The following EPM2A variants were observed in gnomAD, a reference collection of about 807,000 sequenced individuals.
EPM2A encodes EPM2A glucan phosphatase, laforin.
EPM2A carries 21 observed loss-of-function variants against 26.5 expected under a neutral mutation model. The ratio of observed to expected loss-of-function variants is 0.79; its 90% CI spans 0.56 to 1.14. EPM2A has a LOEUF of 1.14. EPM2A is among the 50% of genes most tolerant of loss of function. The probability of loss-of-function intolerance (pLI) is 0.00; values close to 1 mark genes in which losing one functional copy is unlikely to be tolerated. For missense variants in EPM2A, 458 were observed against 440.8 expected, an observed-to-expected ratio of 1.04 and a Z score of -0.35; for synonymous variants, 217 against 177.6, an observed-to-expected ratio of 1.22 and a Z score of -1.76.
chr6:145,691,823 G>C (rs935513862), intron 1 of EPM2A, among the ~76,000 whole-genome samples: 4 of 151,828 alleles, frequency 2.6e-5, no homozygotes, highest in Non-Finnish European at 4.4e-5. Flanking sequence ...CACACAATCA[G>C]AGAAAAAGGA....
At chr6:145,575,475 TCTCA>T (rs1313087648) in intron 2 of EPM2A, among the ~76,000 whole-genome samples, 1 of 152,198 alleles carries the variant, frequency 6.6e-6, no homozygotes, top group African/African-American at 2.4e-5. Context: ...GAGATAAGAC[TCTCA>T]CTCAGGGCAA....
At chr6:145,617,365 C>T (rs550319763) in intron 2 of EPM2A, among the ~76,000 whole-genome samples, 22 of 152,192 alleles carry the variant, frequency 1.4e-4, no homozygotes, top group Admixed American at 3.9e-4. Context: ...TGTAAATAAC[C>T]GAGTCTCAAT....
intron 4 of EPM2A, among the ~76,000 whole-genome samples, chr6:145,465,984 A>C (rs1050865664): frequency 2.0e-5 from 3 of 152,132 alleles, no homozygotes; most frequent in Admixed American, 6.6e-5. Flanking sequence ...TACAAAAATC[A>C]ATTCAAAATG....
In EPM2A at chr6:145,482,777, T is replaced by C. The variant is rs546347879; in HGVS notation, c.555+19745A>G. 2.0e-5 allele frequency among the ~76,000 whole-genome samples: 3 copies of C among 152,232 alleles called. No homozygotes were observed. The East Asian group carries it at 5.8e-4, about 29-fold the overall frequency. On this transcript the variant is annotated intron_variant, in intron 4 of 4. Coordinates refer to the EPM2A transcript ENST00000638717. ...TCTGTTTTAGATCAGCATTAACAAC[T>C]ACAGTCAACTTTTGGCTCTCTATTT...
chr6:145,693,008 T>C (rs545136380), intron 1 of EPM2A, among the ~76,000 whole-genome samples: 10 of 152,242 alleles, frequency 6.6e-5, no homozygotes, highest in Non-Finnish European at 1.3e-4. Flanking sequence ...TTGGGTAGTA[T>C]GGCCACTTGA....
At chr6:145,457,429 A>G (rs1779275687) in intron 4 of EPM2A, among the ~76,000 whole-genome samples, 1 of 150,030 alleles carries the variant, frequency 6.7e-6, no homozygotes, top group Non-Finnish European at 1.5e-5. Context: ...GGTTGCAGTG[A>G]GCTGAGATCA....
chr6:145,683,059 G>T (rs1337858472), intron 2 of EPM2A, among the ~76,000 whole-genome samples: 1 of 152,038 alleles, frequency 6.6e-6, no homozygotes, highest in African/African-American at 2.4e-5. Context: ...AATATAAAAT[G>T]CCTTTCTGAC....
intron 2 of EPM2A, among the ~76,000 whole-genome samples, chr6:145,510,702 C>A (rs1780043251): frequency 6.6e-6 from 1 of 151,518 alleles, no homozygotes; most frequent in South Asian, 2.1e-4. Context: ...CAAAAACAAA[C>A]AAAAAAATAA....
At chr6:145,549,640 T>C (rs1245218121) in intron 2 of EPM2A, among the ~76,000 whole-genome samples, 2 of 152,150 alleles carry the variant, frequency 1.3e-5, no homozygotes, top group African/African-American at 4.8e-5. Flanking sequence ...GATAGAAACC[T>C]ATCCATTATG....
At chr6:145,501,497 C>T (rs758565475), downstream of EPM2A, 112 of 201,006 alleles carry the variant, frequency 5.6e-4, no homozygotes, top group Non-Finnish European at 1.0e-3. Flanking sequence ...GTCTCAGTGC[C>T]ATTGCTTCTA....
chr6:145,575,188 T>C (rs1182030467), intron 2 of EPM2A, among the ~76,000 whole-genome samples: 1 of 152,064 alleles, frequency 6.6e-6, no homozygotes, highest in African/African-American at 2.4e-5. Context: ...GCAGCATGGG[T>C]TGGGGAGGGG....
chr6:145,440,102 G>A (rs1372760723), intron 4 of EPM2A, among the ~76,000 whole-genome samples: 1 of 152,130 alleles, frequency 6.6e-6, no homozygotes, highest in East Asian at 1.9e-4. Context: ...TGCTGCTAAT[G>A]AAGACATACC....
At position 145,735,188 on chromosome 6, in the gene EPM2A, C is replaced by A; in HGVS notation, c.301+10G>T. 2.7e-6 allele frequency: 4 copies of A among 1,496,160 alleles called. No individual in the cohort carries two copies. In the South Asian group the frequency reaches 5.0e-5, roughly 19 times the overall value. The allele number at this position is 1,496,160 out of a possible 1,614,324, so 92.7% of individuals were successfully genotyped here. A position where few individuals can be genotyped will look rare whatever the true frequency, so the allele number is the denominator to read the frequency against. On this transcript the variant is annotated intron_variant, in intron 1 of 3. Transcript: ENST00000367519. ...GCTCTGCGCCGGGGGCAGGCGTCTG[C>A]TGGCAATACCTTCCCAGGAGAGCTC...
At chr6:145,453,195 G>A (rs1392285762) in intron 4 of EPM2A, among the ~76,000 whole-genome samples, 1 of 152,096 alleles carries the variant, frequency 6.6e-6, no homozygotes, top group Admixed American at 6.5e-5. Context: ...ATTATGCCCA[G>A]AACAGCGTAA....
At chr6:145,523,197 C>T (rs1053109829) in intron 2 of EPM2A, among the ~76,000 whole-genome samples, 1 of 152,174 alleles carries the variant, frequency 6.6e-6, no homozygotes, top group Non-Finnish European at 1.5e-5. Context: ...AATAGGCAAT[C>T]AATGTGCATT....
intron 2 of EPM2A, among the ~76,000 whole-genome samples, chr6:145,597,121 C>T (rs914980796): frequency 1.3e-5 from 2 of 151,696 alleles, no homozygotes; most frequent in East Asian, 1.9e-4. Flanking sequence ...GTCTCGATCT[C>T]CTGACCTCAT....
rs577664277 is a variant in EPM2A at position 145,708,056 on chromosome 6, G to C, written c.302-21760C>G. Among the ~76,000 whole-genome samples the C allele has an allele frequency of 2.6e-5, 4 of 152,298 alleles. No homozygotes were observed. In the East Asian group the frequency reaches 7.7e-4, roughly 29 times the overall value. The stretch of plus-strand genomic sequence containing the variant: ...GTGAACTGGAGTAAAGGTCACTCTT[G>C]CTATGCAAAGAGACTCGCACCATTT... On this transcript the variant is annotated intron_variant, in intron 1 of 3. Transcript: ENST00000367519.
chr6:145,550,305 T>A (rs1039142578), intron 2 of EPM2A, among the ~76,000 whole-genome samples: 1 of 151,896 alleles, frequency 6.6e-6, no homozygotes, highest in African/African-American at 2.4e-5. Context: ...CAACACAACA[T>A]CCCAAAACCA....
At chr6:145,724,687 A>C (rs1776106568) in intron 1 of EPM2A, among the ~76,000 whole-genome samples, 1 of 152,144 alleles carries the variant, frequency 6.6e-6, no homozygotes, top group South Asian at 2.1e-4. Context: ...TAGAGAGCAC[A>C]GAAATGGACA....
Sources: allele counts gnomAD v4.1 joint callset (sites outside exome capture counted in the v4.1 genomes callset), GRCh38; gene constraint gnomAD v4.1.1; transcripts MANE v1.5; gene names NCBI Gene and HGNC (gene_info 2026-07-23, HGNC 2026-07-21).